Variants in SASH1 observed in about 807,000 individuals in gnomAD.
SASH1 encodes SAM and SH3 domain-containing protein 1.
A neutral mutation model predicts 125.2 loss-of-function variants in SASH1; 44 were observed. That is an observed-to-expected ratio of 0.35 (90% CI 0.28 to 0.45). SASH1 has a LOEUF of 0.45. Ranked by LOEUF, SASH1 falls within the 20% of genes least tolerant of loss-of-function variation. The pLI, the probability that SASH1 is intolerant of heterozygous loss-of-function variation, is 1.00. For missense variants in SASH1, 1,426 were observed against 1,614.5 expected, an observed-to-expected ratio of 0.88 and a Z score of 2.00; for synonymous variants, 639 against 649.1, an observed-to-expected ratio of 0.98 and a Z score of 0.24.
chr6:148,541,468 G>C (rs1782212689), intron 17 of SASH1, among the ~76,000 whole-genome samples: 1 of 152,032 alleles, frequency 6.6e-6, no homozygotes, highest in Non-Finnish European at 1.5e-5. Context: ...GGTTAGTATT[G>C]TTAGCACTGT....
rs1440969120 is a variant in SASH1 at position 148,343,091 on chromosome 6, C to T, written c.24C>T (p.Gly8=). The change falls in exon 1 of 20, where the codon GGC becomes GGT. Residue 8 remains glycine, a synonymous_variant. Transcript: ENST00000367467. MEDAGAA[G]PGPEPEPEPE... The stretch of plus-strand genomic sequence containing the variant: ...CCATGGAGGACGCGGGAGCAGCTGG[C>T]CCGGGGCCGGAGCCTGAGCCCGAGC... The T allele has an allele frequency of 1.3e-6, 2 of 1,541,246 alleles. No individual in the cohort carries two copies. Among genetic ancestry groups the T allele is most frequent in the Non-Finnish European group, 1.7e-6 (2 of 1,150,324 alleles).
At chr6:148,523,301 T>G (rs1189289990) in intron 10 of SASH1, among the ~76,000 whole-genome samples, 1 of 152,170 alleles carries the variant, frequency 6.6e-6, no homozygotes. Context: ...AAATCACTGC[T>G]TTTGCAAGAA....
chr6:148,263,050 T>G, the SASH1 span, among the ~76,000 whole-genome samples: 12 of 152,236 alleles, frequency 7.9e-5, no homozygotes, highest in South Asian at 2.5e-3. Context: ...GAGATGATTC[T>G]GAAGAAGTTG....
chr6:148,387,924 T>TTC (rs1783539943), intron 1 of SASH1, among the ~76,000 whole-genome samples: 1 of 133,382 alleles, frequency 7.5e-6, no homozygotes, highest in Non-Finnish European at 1.6e-5. Flanking sequence ...TTTTTTTTTT[T>TTC]TTTTTTTTGA....
At chr6:148,300,510 G>A (rs1053836415) in intron 1 of SASH1, among the ~76,000 whole-genome samples, 1 of 145,898 alleles carries the variant, frequency 6.9e-6, no homozygotes, top group African/African-American at 2.6e-5. Flanking sequence ...GTGTGGTAGC[G>A]AGATGTCGGC....
intron 5 of SASH1, among the ~76,000 whole-genome samples, chr6:148,470,087 C>T (rs746428466): frequency 4.0e-5 from 6 of 151,734 alleles, no homozygotes; most frequent in African/African-American, 9.7e-5. Context: ...TGAATATTCC[C>T]GAACTGTCCA....
In SASH1 at chr6:148,529,156, C is replaced by T. The variant is rs1292265632; in HGVS notation, c.1428+1560C>T. On this transcript the variant is annotated intron_variant, in intron 12 of 19. Transcript: ENST00000367467. This position sits in a 1 kb window ranked among gnomAD's most constrained non-coding sequence, Gnocchi z 4.2. ...GGCCTGCTCACCCGCCACTCACCTC[C>T]TGCTGTACGGCCCACTTCTTAACAG... Among the ~76,000 whole-genome samples, 2 of 152,210 alleles carry T rather than the reference C, an allele frequency of 1.3e-5. No homozygotes were observed. The highest frequency in any genetic ancestry group is 1.3e-4 in the Admixed American group (2 of 15,282).
chr6:148,437,653 C>A (rs1353212343), intron 2 of SASH1, among the ~76,000 whole-genome samples: 1 of 152,178 alleles, frequency 6.6e-6, no homozygotes, highest in Admixed American at 6.5e-5. Flanking sequence ...GACGGCATTG[C>A]GTGATGATCA....
At chr6:148,534,091 C>A in intron 15 of SASH1, 111 bp downstream of exon 15, 1 of 814,948 alleles carries the variant, frequency 1.2e-6, no homozygotes, top group Non-Finnish European at 2.0e-6. Flanking sequence ...TCTGTGTGGT[C>A]CAATAAGGGC....
At chr6:148,229,977 G>T in the SASH1 span, among the ~76,000 whole-genome samples, 2 of 151,998 alleles carry the variant, frequency 1.3e-5, no homozygotes. Context: ...CTCCCAAAGT[G>T]CTGGGATTAC....
At position 148,372,476 on chromosome 6, in the gene SASH1, A is replaced by G. The variant is rs546781786; in HGVS notation, c.157-17658A>G. On this transcript the variant is annotated intron_variant, in intron 1 of 19. Transcript: ENST00000367467. ...ATATACATGCATAAGGCACCAGCAT[A>G]GTGCCTTATTGGCTTTAAAAATTAT... Among the ~76,000 whole-genome samples, 25 of 152,326 alleles carry G rather than the reference A, an allele frequency of 1.6e-4. 1 individual carries two copies. The highest frequency in any genetic ancestry group is 6.0e-4 in the African/African-American group (25 of 41,584).
At chr6:148,419,695 T>C (rs1412017814) in intron 2 of SASH1, among the ~76,000 whole-genome samples, 2 of 152,220 alleles carry the variant, frequency 1.3e-5, no homozygotes, top group Non-Finnish European at 1.5e-5. Context: ...ATAGGTTTCC[T>C]GTTTGTACTC....
At chr6:148,365,041 TG>T (rs748029850) in intron 1 of SASH1, among the ~76,000 whole-genome samples, 9 of 151,788 alleles carry the variant, frequency 5.9e-5, no homozygotes, top group Non-Finnish European at 1.2e-4. Flanking sequence ...GAGAATCACT[TG>T]AACCTGAGAG....
the SASH1 span, among the ~76,000 whole-genome samples, chr6:148,237,278 C>A: frequency 6.6e-6 from 1 of 151,984 alleles, no homozygotes; most frequent in Non-Finnish European, 1.5e-5. Flanking sequence ...AGCTGTCAGC[C>A]TAGAGATAGA....
Position 148,544,623 on chromosome 6 carries a change from C to A in SASH1, c.3153C>A (p.Ser1051Arg). 3 of 1,613,356 alleles carry A rather than the reference C, an allele frequency of 1.9e-6. No homozygotes were observed. Among genetic ancestry groups the A allele is most frequent in the Non-Finnish European group, 1.7e-6 (2 of 1,179,848 alleles). ...CTCTCTCAGGGCAGGCGCCTGGCAG[C>A]CCACCAAGCACAAGGCCGCCCCCCT... ...PRPLSGQAPG[S>R]PPSTRPPPWL... Residue 1051 changes from serine (S) to arginine (R), a missense_variant, in exon 18 of 20, where the codon AGC (serine) becomes AGA (arginine). Around this residue, in one of 3 missense-constraint regions of SASH1, gnomAD observed 634 missense variants for 694.4 expected, o/e 0.91. Coordinates refer to ENST00000367467, the MANE Select transcript of SASH1 (RefSeq NM_015278.5). The surrounding 1 kb of genome is among the most constrained non-coding windows in gnomAD (Gnocchi z 6.4).
intron 1 of SASH1, among the ~76,000 whole-genome samples, chr6:148,305,623 C>CAAAAAAAAAAAAA (rs59521298): frequency 9.6e-5 from 10 of 104,324 alleles, no homozygotes; most frequent in South Asian, 3.0e-4. Flanking sequence ...GACTCTGACT[C>CAAAAAAAAAAAAA]AAAAAAAAAA....
intron 8 of SASH1, among the ~76,000 whole-genome samples, chr6:148,493,082 G>A (rs1472158898): frequency 1.3e-5 from 2 of 152,168 alleles, no homozygotes; most frequent in African/African-American, 4.8e-5. Context: ...TTGGCTGAGA[G>A]GCGTAGGTGA....
chr6:148,430,028 C>T (rs751321462), intron 2 of SASH1, among the ~76,000 whole-genome samples: 24 of 152,156 alleles, frequency 1.6e-4, no homozygotes, highest in Non-Finnish European at 2.8e-4. Flanking sequence ...AGTGATGTGG[C>T]TAGTCATTGG....
chr6:148,219,022 A>G, the SASH1 span, among the ~76,000 whole-genome samples: 1 of 152,206 alleles, frequency 6.6e-6, no homozygotes, highest in Non-Finnish European at 1.5e-5. Flanking sequence ...CTTCCTTGGA[A>G]AGACCTTAGG....
Sources: allele counts gnomAD v4.1 joint callset (sites outside exome capture counted in the v4.1 genomes callset), GRCh38; gene constraint gnomAD v4.1.1; regional missense constraint gnomAD v4.1.1; non-coding constraint Gnocchi (gnomAD v3.1); transcripts MANE v1.5; gene names NCBI Gene and HGNC (gene_info 2026-07-23, HGNC 2026-07-21).